ATR: variants seen among roughly 807,000 people sequenced by gnomAD.
The protein encoded by ATR is ATR checkpoint kinase.
In ATR, 142 loss-of-function variants were observed where a neutral mutation model predicts 305.3. The ratio of observed to expected loss-of-function variants is 0.47; its 90% CI spans 0.41 to 0.53. ATR has a LOEUF of 0.53. Among genes scored for constraint, ATR ranks in the 20% least tolerant of loss-of-function variants. The pLI, the probability that ATR is intolerant of heterozygous loss-of-function variation, is 0.00. For synonymous variants in ATR, 1,050 were observed against 1,068.1 expected (o/e 0.98, Z 0.33); for missense variants, 2,135 against 3,133.1 (o/e 0.68, Z 7.60).
At chr3:142,559,498 C>G in intron 6 of ATR, 57 bp from the exon 7 acceptor site, 1 of 1,543,616 alleles carries the variant, frequency 6.5e-7, no homozygotes, top group Non-Finnish European at 8.9e-7. Flanking sequence ...TTGTTATAGT[C>G]AAACATAAAA....
At chr3:142,503,535 T>C in intron 29 of ATR, 82 bp from the exon 30 acceptor site, 1 of 789,048 alleles carries the variant, frequency 1.3e-6, no homozygotes, top group Non-Finnish European at 2.0e-6. Flanking sequence ...CTGATATTCT[T>C]TAAAAATTAC....
chr3:142,558,849 C>T lies in ATR; in HGVS notation c.1733-73G>A, dbSNP rs1179088263. 6 of 1,387,646 alleles carry T rather than the reference C, an allele frequency of 4.3e-6. No homozygotes were observed. In the African/African-American group the frequency reaches 8.7e-5, roughly 20 times the overall value. 86.0% of individuals were successfully genotyped at this position (1,387,646 alleles called of 1,614,324 possible). On this transcript the variant is annotated intron_variant, in intron 7 of 46. Coordinates refer to ENST00000350721, the MANE Select transcript of ATR (RefSeq NM_001184.4). ...TATCTCTTTTAAATAAAAATAAAGA[C>T]ATTTGAAATACTATCATAATGATCA...
At chr3:142,481,860 T>C (rs896471349) in intron 36 of ATR, among the ~76,000 whole-genome samples, 2 of 152,104 alleles carry the variant, frequency 1.3e-5, no homozygotes, top group African/African-American at 4.8e-5. Flanking sequence ...TCTTTCTCTG[T>C]CACCCAGGCA....
In ATR at chr3:142,556,135, T is replaced by C; in HGVS notation, c.2083A>G (p.Lys695Glu). 6.2e-7 allele frequency: 1 copy of C among 1,613,202 alleles called. No homozygotes were observed. Among genetic ancestry groups the C allele is most frequent in the Non-Finnish European group, 8.5e-7 (1 of 1,179,748 alleles). The change falls in exon 10 of 47, where the codon AAA becomes GAA. Residue 695 changes from lysine (K) to glutamate (E), a missense_variant. Transcript: ENST00000350721. Reference sequence around the variant, plus strand: ...ACAATGTCAGAATCATCTTTGACTTTATCTCTGGGGAAAAAAAAGAAAAAG... The same window carrying C: ...ACAATGTCAGAATCATCTTTGACTTCATCTCTGGGGAAAAAAAAGAAAAAG... ...CNRVPKILIDKVKDDSDIVKK... is the reference protein window; with the variant it reads ...CNRVPKILIDEVKDDSDIVKK...
intron 21 of ATR, among the ~76,000 whole-genome samples, chr3:142,525,613 A>T (rs2033348268): frequency 6.6e-6 from 1 of 152,154 alleles, no homozygotes; most frequent in Non-Finnish European, 1.5e-5. Flanking sequence ...ATCTGGTGGC[A>T]GGTGTTTGGG....
At chr3:142,503,516 A>C in intron 29 of ATR, 63 bp from the exon 30 acceptor site, 4 of 990,758 alleles carry the variant, frequency 4.0e-6, no homozygotes, top group Non-Finnish European at 6.2e-6. Flanking sequence ...GGGACCAAAA[A>C]CAGTTTAACT....
intron 10 of ATR, among the ~76,000 whole-genome samples, chr3:142,555,654 A>T (rs542630827): frequency 7.2e-5 from 11 of 152,326 alleles, no homozygotes; most frequent in Middle Eastern, 3.4e-3. Context: ...TAGGCTGTCA[A>T]ATCACAAGAG....
chr3:142,456,528 C>G (rs983662452), intron 45 of ATR, among the ~76,000 whole-genome samples: 6 of 151,780 alleles, frequency 4.0e-5, no homozygotes, highest in Non-Finnish European at 7.4e-5. Context: ...GCCAAGATCA[C>G]GCCACTGCAC....
At chr3:142,564,308 C>T (rs1412962770) in intron 3 of ATR, among the ~76,000 whole-genome samples, 1 of 150,922 alleles carries the variant, frequency 6.6e-6, no homozygotes, top group Non-Finnish European at 1.5e-5. Context: ...ATGCCTGTAA[C>T]AACTTTGGAG....
intron 35 of ATR, among the ~76,000 whole-genome samples, chr3:142,485,646 A>G (rs1161752562): frequency 6.6e-6 from 1 of 152,254 alleles, no homozygotes; most frequent in Non-Finnish European, 1.5e-5. Context: ...ATATACACAT[A>G]TATCATGAAA....
intron 36 of ATR, 43 bp from the exon 37 acceptor site, chr3:142,470,226 T>C (rs2071228070): frequency 7.0e-7 from 1 of 1,430,624 alleles, no homozygotes; most frequent in Non-Finnish European, 9.7e-7. Flanking sequence ...ATAGCTGTCA[T>C]TTTTATATTA....
intron 46 of ATR, chr3:142,450,263 A>G (rs1577484424): frequency 1.4e-6 from 1 of 721,362 alleles, no homozygotes; most frequent in East Asian, 2.6e-5. Flanking sequence ...ACAACAGCCA[A>G]CTTTCCCTTT....
At chr3:142,499,023 T>C (rs1421624736) in intron 31 of ATR, 9 of 530,052 alleles carry the variant, frequency 1.7e-5, no homozygotes, top group South Asian at 4.3e-5. Context: ...TGAACAGGCA[T>C]GAGCCACCAT....
intron 41 of ATR, among the ~76,000 whole-genome samples, chr3:142,464,259 G>A (rs1559909396): frequency 6.6e-6 from 1 of 152,062 alleles, no homozygotes; most frequent in Non-Finnish European, 1.5e-5. Flanking sequence ...CTTAGTAGCT[G>A]GGACTACAGG....
At chr3:142,490,134 C>G (rs950838379) in intron 35 of ATR, among the ~76,000 whole-genome samples, 1 of 152,220 alleles carries the variant, frequency 6.6e-6, no homozygotes, top group African/African-American at 2.4e-5. Flanking sequence ...TCATAGCTAA[C>G]TGTAACCTTG....
rs138473993 is a variant in ATR at position 142,566,124 on chromosome 3, T to C, written c.289A>G (p.Ile97Val). 1 of 1,614,154 alleles carries C rather than the reference T, an allele frequency of 6.2e-7. No individual in the cohort carries two copies. Residue 97 changes from isoleucine (I) to valine (V), a missense_variant, in exon 3 of 47, where the codon ATT (isoleucine) becomes GTT (valine). Physicochemically the swap from Ile to Val is conservative, Grantham distance 29. Transcript: ENST00000350721. Reference protein sequence around the residue: ...SGSHEAKGSCIEFSNWIITRL... With the variant: ...SGSHEAKGSCVEFSNWIITRL... Reference sequence around the variant, plus strand: ...ATGCATGAATAACAGCACTTACCAATACAACTGCCTTTGGCCTCATGGCTT... The same window carrying C: ...ATGCATGAATAACAGCACTTACCAACACAACTGCCTTTGGCCTCATGGCTT...
chr3:142,454,245 T>G (rs960441968), intron 45 of ATR, among the ~76,000 whole-genome samples: 11 of 152,166 alleles, frequency 7.2e-5, no homozygotes, highest in Admixed American at 4.6e-4. Context: ...CACTCTCTTC[T>G]CCCTTGCATG....
intron 21 of ATR, among the ~76,000 whole-genome samples, chr3:142,528,256 C>A (rs1330889339): frequency 1.3e-5 from 2 of 152,146 alleles, no homozygotes; most frequent in Non-Finnish European, 2.9e-5. Flanking sequence ...TTATTTAGAT[C>A]TTCTACGTAT....
In ATR at chr3:142,554,035, A is replaced by G. The variant is rs983859004; in HGVS notation, c.2342-20T>C. Reference sequence around the variant, plus strand: ...TGAAAGCTGAAGGACAAGAGTATACAATACCTAATTTAACATATTAAATGT... The same window carrying G: ...TGAAAGCTGAAGGACAAGAGTATACGATACCTAATTTAACATATTAAATGT... On this transcript the variant is annotated intron_variant, in intron 10 of 46. Coordinates refer to ENST00000350721, the MANE Select transcript of ATR (RefSeq NM_001184.4). 2.6e-6 allele frequency: 4 copies of G among 1,561,554 alleles called. No homozygotes were observed. The highest frequency in any genetic ancestry group is 3.5e-6 in the Non-Finnish European group (4 of 1,142,590).
Sources: gnomAD v4.1 joint callset for allele counts (sites outside exome capture counted in the v4.1 genomes callset) on GRCh38, gnomAD v4.1.1 for gene constraint, MANE v1.5 for transcripts, NCBI Gene and HGNC (gene_info 2026-07-23, HGNC 2026-07-21) for gene names.